SNX24: variants seen among roughly 807,000 people sequenced by gnomAD.
SNX24 encodes the protein sorting nexin-24.
Under a neutral mutation model 28.7 loss-of-function variants are expected in SNX24, and 22 were observed. The ratio of observed to expected loss-of-function variants is 0.77; its 90% CI spans 0.55 to 1.10. SNX24 has a LOEUF of 1.10. Ranked by LOEUF, SNX24 falls within the 50% of genes least tolerant of loss-of-function variation. SNX24 has a pLI of 0.00. For missense variants in SNX24, 221 were observed against 201.1 expected, an observed-to-expected ratio of 1.10 and a Z score of -0.60; for synonymous variants, 69 against 71.5, an observed-to-expected ratio of 0.96 and a Z score of 0.18.
At chr5:122,907,682 A>T (rs778949521) in intron 1 of SNX24, among the ~76,000 whole-genome samples, 2 of 152,220 alleles carry the variant, frequency 1.3e-5, no homozygotes, top group Admixed American at 6.5e-5. Context: ...AACAATTTGT[A>T]TGCAGAGGGG....
chr5:123,000,116 A>T, intron 4 of SNX24, 110 bp downstream of exon 4: 1 of 740,380 alleles, frequency 1.4e-6, no homozygotes, highest in Non-Finnish European at 2.4e-6. Flanking sequence ...GGCCACGCCC[A>T]CTCTTTTGGC....
intron 1 of SNX24, among the ~76,000 whole-genome samples, chr5:122,881,415 C>T (rs879655769): frequency 1.8e-4 from 28 of 152,198 alleles, no homozygotes; most frequent in South Asian, 1.2e-3. Flanking sequence ...TGGTATGGAT[C>T]AGCAGCATTG....
chr5:122,924,452 G>C (rs751882945), intron 1 of SNX24, among the ~76,000 whole-genome samples: 1 of 152,162 alleles, frequency 6.6e-6, no homozygotes, highest in Admixed American at 6.5e-5. Flanking sequence ...GGGAGGGCTC[G>C]TGTGCTGGCT....
chr5:122,955,855 CTCA>C (rs1446249357), intron 3 of SNX24, among the ~76,000 whole-genome samples: 1 of 152,208 alleles, frequency 6.6e-6, no homozygotes, highest in Non-Finnish European at 1.5e-5. Flanking sequence ...TTACCACCCT[CTCA>C]TCGACACCTC....
At chr5:123,000,913 A>C (rs998362453) in intron 4 of SNX24, among the ~76,000 whole-genome samples, 1 of 152,230 alleles carries the variant, frequency 6.6e-6, no homozygotes, top group African/African-American at 2.4e-5. Flanking sequence ...GTTAAACCCC[A>C]GCCATCTGCT....
chr5:122,968,944 A>G (rs1019936232), intron 3 of SNX24, among the ~76,000 whole-genome samples: 12 of 152,078 alleles, frequency 7.9e-5, no homozygotes, highest in Non-Finnish European at 1.5e-4. Flanking sequence ...TGCACTAAAT[A>G]TGCTAAATAT....
intron 1 of SNX24, among the ~76,000 whole-genome samples, chr5:122,884,032 G>A (rs192885821): frequency 3.3e-5 from 5 of 152,004 alleles, no homozygotes; most frequent in Admixed American, 6.6e-5. Flanking sequence ...TTGGTTCTTC[G>A]GAAGAAACAG....
At chr5:123,005,603 A>G (rs551857926) in intron 6 of SNX24, among the ~76,000 whole-genome samples, 1 of 152,300 alleles carries the variant, frequency 6.6e-6, no homozygotes, top group East Asian at 1.9e-4. Flanking sequence ...ATATACTTAC[A>G]ATGTAATTTC....
chr5:122,932,275 C>T (rs1758988191), intron 1 of SNX24, among the ~76,000 whole-genome samples: 1 of 152,136 alleles, frequency 6.6e-6, no homozygotes, highest in Non-Finnish European at 1.5e-5. Context: ...ATGCAGCTTC[C>T]CTTACTTTAT....
In SNX24 at chr5:122,967,513, A is replaced by G. The variant is rs377758507; in HGVS notation, c.249+21354A>G. ...GTGTCTCCAAGGTGGACCATGTACA[A>G]TGATCCCCTGGGGAGCAGAAAGCAG... On this transcript the variant is annotated intron_variant, in intron 3 of 6. Transcript: ENST00000261369. 1.5e-4 allele frequency among the ~76,000 whole-genome samples: 23 copies of G among 152,298 alleles called. No individual in the cohort carries two copies. In the East Asian group the frequency reaches 2.7e-3, roughly 18 times the overall value.
intron 3 of SNX24, among the ~76,000 whole-genome samples, chr5:122,977,603 A>T (rs547837388): frequency 6.6e-6 from 1 of 152,190 alleles, no homozygotes; most frequent in Non-Finnish European, 1.5e-5. Flanking sequence ...CGGTGCATGC[A>T]CTGGAAATTT....
chr5:122,959,087 T>A (rs1760350317), intron 3 of SNX24, among the ~76,000 whole-genome samples: 1 of 152,130 alleles, frequency 6.6e-6, no homozygotes, highest in Non-Finnish European at 1.5e-5. Flanking sequence ...TCCTTAAATA[T>A]TTGATAGAAT....
intron 1 of SNX24, among the ~76,000 whole-genome samples, chr5:122,910,882 G>T (rs893007973): frequency 6.6e-6 from 1 of 151,926 alleles, no homozygotes; most frequent in African/African-American, 2.4e-5. Context: ...TGGACATTTG[G>T]GTTGGTTCCA....
In SNX24 at chr5:122,926,013, T is replaced by G. The variant is rs955243603; in HGVS notation, c.61-10721T>G. Among the ~76,000 whole-genome samples, 9 of 151,308 alleles carry G rather than the reference T, an allele frequency of 5.9e-5. No individual in the cohort carries two copies. The East Asian group carries it at 1.4e-3, about 23-fold the overall frequency. On this transcript the variant is annotated intron_variant, in intron 1 of 6. Coordinates refer to ENST00000261369, the MANE Select transcript of SNX24 (RefSeq NM_014035.4). Reference sequence around the variant, plus strand: ...GGTGTGTGTATGTGAGTGTGTATGTTTGTGTGTGTGTGTGTGCATGCACAC... The same window carrying G: ...GGTGTGTGTATGTGAGTGTGTATGTGTGTGTGTGTGTGTGTGCATGCACAC...
chr5:122,881,480 C>T (rs1295639477), intron 1 of SNX24, among the ~76,000 whole-genome samples: 1 of 152,100 alleles, frequency 6.6e-6, no homozygotes, highest in African/African-American at 2.4e-5. Context: ...CCTGCAAAAT[C>T]GGACCAGGGG....
chr5:122,979,481 C>T (rs931641222), intron 3 of SNX24, among the ~76,000 whole-genome samples: 2 of 152,050 alleles, frequency 1.3e-5, no homozygotes, highest in African/African-American at 2.4e-5. Context: ...AGCCCACCCC[C>T]AAATCCTAAA....
At chr5:122,877,700 C>T (rs1756294814) in intron 1 of SNX24, among the ~76,000 whole-genome samples, 1 of 152,148 alleles carries the variant, frequency 6.6e-6, no homozygotes, top group Non-Finnish European at 1.5e-5. Context: ...CCTATCCCAT[C>T]CCCTACCCGA....
intron 3 of SNX24, among the ~76,000 whole-genome samples, chr5:122,989,199 T>A (rs1006357158): frequency 6.6e-6 from 1 of 152,196 alleles, no homozygotes; most frequent in African/African-American, 2.4e-5. Flanking sequence ...AGGACTTAAC[T>A]AAAAGTGAGT....
rs1243234829 is a variant in SNX24, at chr5:122,962,937, T to C, written c.249+16778T>C. On this transcript the variant is annotated intron_variant, in intron 3 of 6. Transcript: ENST00000261369. ...CTATTAATAAGGTGAATGTTTTGGG[T>C]TAAATTTTCCTCTAGGCTGGGCATG... is the stretch of plus-strand genomic sequence containing the variant. Among the ~76,000 whole-genome samples the C allele has an allele frequency of 2.0e-5, 3 of 152,290 alleles. No individual in the cohort carries two copies. In the East Asian group the frequency reaches 5.8e-4, roughly 29 times the overall value.
Sources: gnomAD v4.1 joint callset for allele counts (sites outside exome capture counted in the v4.1 genomes callset) on GRCh38, gnomAD v4.1.1 for gene constraint, MANE v1.5 for transcripts, NCBI Gene and HGNC (gene_info 2026-07-23, HGNC 2026-07-21) for gene names.